PARP11: variants seen among roughly 807,000 people sequenced by gnomAD.
PARP11 encodes the protein poly(ADP-ribose) polymerase family member 11, also known as protein mono-ADP-ribosyltransferase PARP11.
PARP11 carries 31 observed loss-of-function variants against 42.9 expected under a neutral mutation model. The observed-to-expected ratio is 0.72, with a 90% CI of 0.54 to 0.98. The LOEUF (loss-of-function observed/expected upper bound fraction) is 0.98, where lower values mean the gene tolerates loss of function less well. PARP11 is among the 50% of genes least tolerant of loss of function. The pLI, the probability that PARP11 is intolerant of heterozygous loss-of-function variation, is 0.00. For synonymous variants in PARP11, 137 were observed against 127.3 expected (o/e 1.08, Z -0.51); for missense variants, 365 against 413.1 (o/e 0.88, Z 1.01).
intron 1 of PARP11, among the ~76,000 whole-genome samples, chr12:3,833,817 A>C (rs1444964198): frequency 6.6e-6 from 1 of 152,116 alleles, no homozygotes; most frequent in African/African-American, 2.4e-5. Context: ...TGAAGCCTCT[A>C]CCTGCGGTAT....
intron 3 of PARP11, among the ~76,000 whole-genome samples, chr12:3,827,754 C>A (rs1782384043): frequency 6.6e-6 from 1 of 152,170 alleles, no homozygotes. Flanking sequence ...ATCCCCTTCA[C>A]TGTTTCTGGG....
chr12:3,835,399 A>G (rs1947739620), intron 1 of PARP11, among the ~76,000 whole-genome samples: 1 of 152,236 alleles, frequency 6.6e-6, no homozygotes, highest in Non-Finnish European at 1.5e-5. Flanking sequence ...CCAATAACCA[A>G]ACAAACAACC....
intron 1 of PARP11, among the ~76,000 whole-genome samples, chr12:3,847,400 CATAGATG>C (rs1948024883): frequency 6.6e-6 from 1 of 152,046 alleles, no homozygotes; most frequent in Non-Finnish European, 1.5e-5. Context: ...CACCCATGTA[CATAGATG>C]CAAAAATCCT....
chr12:3,810,858 G>C lies in PARP11; in HGVS notation c.*1265C>G, dbSNP rs1272488660. 2 of 151,604 alleles carry C rather than the reference G, an allele frequency of 1.3e-5. No individual in the cohort carries two copies. The highest frequency in any genetic ancestry group is 4.9e-5 in the African/African-American group (2 of 41,168). 9.4% of individuals were successfully genotyped at this position (151,604 alleles called of 1,614,324 possible). On this transcript the variant is annotated 3_prime_UTR_variant, in exon 8 of 8. Coordinates refer to ENST00000228820, the MANE Select transcript of PARP11 (RefSeq NM_020367.6). ...GAGAGAAGAGAAGGAGGAGAGAAGA[G>C]GAGAAAAGGAAGAAAATCAATGTGA...
chr12:3,844,455 A>C (rs1332120005), intron 1 of PARP11, among the ~76,000 whole-genome samples: 2 of 152,200 alleles, frequency 1.3e-5, no homozygotes, highest in Non-Finnish European at 2.9e-5. Context: ...AGCTTACCTG[A>C]TTTTAATGAA....
chr12:3,843,561 A>T (rs1947935988), intron 1 of PARP11, among the ~76,000 whole-genome samples: 1 of 152,136 alleles, frequency 6.6e-6, no homozygotes, highest in Non-Finnish European at 1.5e-5. Flanking sequence ...AGATAATATG[A>T]TTGTGACTTC....
At chr12:3,839,546 T>G in intron 1 of PARP11, 1 of 1,543,688 alleles carries the variant, frequency 6.5e-7, no homozygotes, top group Non-Finnish European at 9.0e-7. Flanking sequence ...TTTGAAGCGA[T>G]TATAGGAGGA....
chr12:3,830,150 T>A, intron 1 of PARP11, 132 bp from the exon 2 acceptor site: 1 of 696,794 alleles, frequency 1.4e-6, no homozygotes, highest in South Asian at 2.1e-5. Flanking sequence ...TAAAAACAGC[T>A]TTCTATCTTT....
At chr12:3,824,081 CTACT>C (rs1423150148) in intron 4 of PARP11, among the ~76,000 whole-genome samples, 1 of 152,120 alleles carries the variant, frequency 6.6e-6, no homozygotes, top group African/African-American at 2.4e-5. Context: ...TTGAATGTAC[CTACT>C]GACATTCTCA....
At chr12:3,841,919 G>C in intron 1 of PARP11, 1 of 1,607,886 alleles carries the variant, frequency 6.2e-7, no homozygotes, top group Non-Finnish European at 8.5e-7. Flanking sequence ...CCAGCAGCCA[G>C]GAGTGAACAT....
At chr12:3,863,241 T>A (rs1310719480) in intron 1 of PARP11, among the ~76,000 whole-genome samples, 1 of 152,248 alleles carries the variant, frequency 6.6e-6, no homozygotes, top group African/African-American at 2.4e-5. Flanking sequence ...GAAACTCATT[T>A]ATTAGTTCTA....
chr12:3,812,159 G>T lies in PARP11; in HGVS notation c.981C>A (p.Asn327Lys), dbSNP rs754923500. The change falls in exon 8 of 8, where the codon AAC becomes AAA. Residue 327 changes from asparagine (N) to lysine (K), a missense_variant. Coordinates refer to ENST00000228820, the MANE Select transcript of PARP11 (RefSeq NM_020367.6). ...NPKIFVVFDA[N>K]QIYPEYLIDF... is the part of the protein sequence containing the mutation. ...CTATCAAGTACTCAGGATAGATTTG[G>T]TTGGCATCAAAAACCACAAAGATCT... 1 of 1,613,806 alleles carries T rather than the reference G, an allele frequency of 6.2e-7. No individual in the cohort carries two copies. Among genetic ancestry groups the T allele is most frequent in the Non-Finnish European group, 8.5e-7 (1 of 1,179,924 alleles).
Position 3,810,935 on chromosome 12 carries a change from T to C in PARP11, c.*1188A>G, listed in dbSNP as rs1947166131. The stretch of plus-strand genomic sequence containing the variant: ...TTCCCCATCTGGTACTTAACTCCTA[T>C]GCAACATGCCCGCCAAGTTGCTGTC... On this transcript the variant is annotated 3_prime_UTR_variant, in exon 8 of 8. Coordinates refer to ENST00000228820, the MANE Select transcript of PARP11 (RefSeq NM_020367.6). 1.3e-5 allele frequency: 2 copies of C among 152,344 alleles called. No homozygotes were observed. The highest frequency in any genetic ancestry group is 4.8e-5 in the African/African-American group (2 of 41,572). The allele number at this position is 152,344 out of a possible 1,614,324, so 9.4% of individuals were successfully genotyped here. A position where few individuals can be genotyped will look rare whatever the true frequency, so the allele number is the denominator to read the frequency against.
chr12:3,871,184 G>A (rs1014182295), intron 1 of PARP11, among the ~76,000 whole-genome samples: 4 of 152,104 alleles, frequency 2.6e-5, no homozygotes, highest in Non-Finnish European at 2.9e-5. Context: ...AAATGAGAGG[G>A]GAAGAATACT....
chr12:3,859,122 A>G (rs1013453233), intron 1 of PARP11, among the ~76,000 whole-genome samples: 1 of 151,828 alleles, frequency 6.6e-6, no homozygotes, highest in Non-Finnish European at 1.5e-5. Context: ...GAAAAATATT[A>G]TATAAAATTA....
intron 1 of PARP11, among the ~76,000 whole-genome samples, chr12:3,868,174 T>C (rs1026589824): frequency 2.2e-4 from 34 of 152,150 alleles, no homozygotes; most frequent in African/African-American, 7.2e-4. Context: ...TACTGTTTTA[T>C]TGGGGGCCAG....
At chr12:3,841,245 C>T (rs1947883479) in intron 1 of PARP11, 1 of 1,436,292 alleles carries the variant, frequency 7.0e-7, no homozygotes, top group East Asian at 2.3e-5. Flanking sequence ...CTGGGGAGGA[C>T]CTACCTAAAG....
chr12:3,856,057 G>T (rs1221495275), intron 1 of PARP11, among the ~76,000 whole-genome samples: 1 of 152,132 alleles, frequency 6.6e-6, no homozygotes, highest in African/African-American at 2.4e-5. Context: ...AATAAATGGT[G>T]CTGGGAAAAC....
chr12:3,830,917 C>G (rs1300977219), intron 1 of PARP11, among the ~76,000 whole-genome samples: 1 of 152,128 alleles, frequency 6.6e-6, no homozygotes, highest in African/African-American at 2.4e-5. Context: ...TTAGCTATAC[C>G]AATTAACTCA....
Sources: allele counts gnomAD v4.1 joint callset (sites outside exome capture counted in the v4.1 genomes callset), GRCh38; gene constraint gnomAD v4.1.1; transcripts MANE v1.5; gene names NCBI Gene and HGNC (gene_info 2026-07-23, HGNC 2026-07-21).